ROBO2: variants seen among roughly 807,000 people sequenced by gnomAD.
ROBO2 encodes roundabout guidance receptor 2.
In ROBO2, 53 loss-of-function variants were observed where a neutral mutation model predicts 160.8. The observed-to-expected ratio is 0.33, with a 90% CI of 0.26 to 0.41. ROBO2 has a LOEUF of 0.41. Among genes scored for constraint, ROBO2 ranks in the 10% least tolerant of loss-of-function variants. The pLI, the probability that ROBO2 is intolerant of heterozygous loss-of-function variation, is 1.00. For missense variants in ROBO2, 1,577 were observed against 1,722.4 expected, an observed-to-expected ratio of 0.92 and a Z score of 1.49; for synonymous variants, 664 against 611.7, an observed-to-expected ratio of 1.09 and a Z score of -1.26.
At chr3:77,230,863 T>C (rs1245063261) in intron 2 of ROBO2, among the ~76,000 whole-genome samples, 4 of 152,236 alleles carry the variant, frequency 2.6e-5, no homozygotes, top group Non-Finnish European at 5.9e-5. Flanking sequence ...TGCGATCTTT[T>C]TATGAAAATA....
intron 2 of ROBO2, among the ~76,000 whole-genome samples, chr3:77,327,847 T>A (rs1014185913): frequency 2.0e-5 from 3 of 151,894 alleles, no homozygotes; most frequent in African/African-American, 7.3e-5. Context: ...GTCAGGAGTT[T>A]GAGACTAGCC....
intron 24 of ROBO2, among the ~76,000 whole-genome samples, chr3:77,638,285 T>C (rs1040238679): frequency 1.3e-4 from 20 of 152,248 alleles, no homozygotes; most frequent in African/African-American, 4.8e-4. Flanking sequence ...CATTTTACAA[T>C]AAACCTTTTG....
chr3:76,275,305 A>C (rs759267827), intron 2 of ROBO2, among the ~76,000 whole-genome samples: 1 of 152,110 alleles, frequency 6.6e-6, no homozygotes, highest in Non-Finnish European at 1.5e-5. Context: ...TTAATACTTT[A>C]AGTTTTAGGG....
rs375310609 is a variant in ROBO2, at chr3:76,669,182, A to G, written c.110-428832A>G. Among the ~76,000 whole-genome samples the G allele has an allele frequency of 4.6e-5, 7 of 152,034 alleles. No individual in the cohort carries two copies. In the East Asian group the frequency reaches 5.8e-4, roughly 13 times the overall value. On this transcript the variant is annotated intron_variant, in intron 2 of 26. Transcript: ENST00000487694. ...CCTTTCTGTGTCTGAAGGGAATCCC[A>G]CTCAGTCCGATCAAAACTGCTAAGA...
chr3:76,440,909 G>A (rs13064279), intron 2 of ROBO2, among the ~76,000 whole-genome samples: 52,789 of 149,582 alleles, frequency 0.35, 10,042 homozygotes, highest in Non-Finnish European at 0.42. Flanking sequence ...CATGTGGCAT[G>A]TGGCAATGTT....
chr3:76,356,887 A>G (rs1185567762), intron 2 of ROBO2, among the ~76,000 whole-genome samples: 6 of 151,932 alleles, frequency 3.9e-5, no homozygotes, highest in African/African-American at 1.4e-4. Context: ...AAATTTCAAG[A>G]AATTGAAACA....
intron 2 of ROBO2, among the ~76,000 whole-genome samples, chr3:76,479,321 G>T (rs2079093202): frequency 6.6e-6 from 1 of 152,062 alleles, no homozygotes; most frequent in Non-Finnish European, 1.5e-5. Context: ...TTTTAAAATG[G>T]CTGTGCTTTT....
At chr3:77,020,878 G>T (rs558784878) in intron 2 of ROBO2, among the ~76,000 whole-genome samples, 2 of 152,218 alleles carry the variant, frequency 1.3e-5, no homozygotes, top group Non-Finnish European at 2.9e-5. Flanking sequence ...AGTGGGAAAA[G>T]ATACTAAACA....
At chr3:77,079,078 C>G (rs1359302509) in intron 1 of ROBO2, among the ~76,000 whole-genome samples, 1 of 152,080 alleles carries the variant, frequency 6.6e-6, no homozygotes, top group Non-Finnish European at 1.5e-5. Context: ...TCCTGAGTAG[C>G]TGGGATTACA....
At chr3:77,562,874 A>G (rs2093367520) in intron 10 of ROBO2, 142 bp downstream of exon 11, 1 of 738,758 alleles carries the variant, frequency 1.4e-6, no homozygotes, top group Non-Finnish European at 2.4e-6. Context: ...TTTTTAATTC[A>G]TGCATGAATT....
At chr3:76,209,659 A>G (rs1703020951) in intron 2 of ROBO2, among the ~76,000 whole-genome samples, 1 of 152,158 alleles carries the variant, frequency 6.6e-6, no homozygotes, top group South Asian at 2.1e-4. Context: ...ACATCAAATA[A>G]TATTCTAGGC....
intron 2 of ROBO2, among the ~76,000 whole-genome samples, chr3:77,339,484 A>T (rs1388411354): frequency 2.6e-5 from 4 of 152,106 alleles, no homozygotes; most frequent in African/African-American, 4.8e-5. Context: ...TGTGCTGAAC[A>T]GGAAATTTCG....
At chr3:76,904,833 C>T (rs1379354869) in intron 2 of ROBO2, among the ~76,000 whole-genome samples, 1 of 152,098 alleles carries the variant, frequency 6.6e-6, no homozygotes. Context: ...TCTATGATAC[C>T]ACCATCTTTT....
chr3:76,141,159 C>CTCTACATATATATATA (rs1364431015), intron 2 of ROBO2, among the ~76,000 whole-genome samples: 1 of 9,178 alleles, frequency 1.1e-4, no homozygotes, highest in Non-Finnish European at 1.8e-4. Context: ...CTCTCTCTCT[C>CTCTACATATATATATA]TATATATATA....
At chr3:76,994,596 A>G (rs1337219625) in intron 2 of ROBO2, among the ~76,000 whole-genome samples, 2 of 152,142 alleles carry the variant, frequency 1.3e-5, no homozygotes, top group Non-Finnish European at 2.9e-5. Flanking sequence ...AGAAATTCTT[A>G]TTTGTTTTTT....
At chr3:77,596,819 G>C in intron 19 of ROBO2, 69 bp downstream of exon 20, 6 of 1,577,408 alleles carry the variant, frequency 3.8e-6, no homozygotes, top group Non-Finnish European at 5.2e-6. Context: ...GACCTTCCTG[G>C]ATTTTTTTAA....
rs528638690 is a variant in ROBO2 at position 76,782,810 on chromosome 3, A to G, written c.110-315204A>G. ...GTCTCTTGTAGAATCTCGTTTTTTTATCCTTTAGTCACTATATATTTTGAT... is the reference window on the plus strand; with the variant it reads ...GTCTCTTGTAGAATCTCGTTTTTTTGTCCTTTAGTCACTATATATTTTGAT... On this transcript the variant is annotated intron_variant, in intron 2 of 26. Transcript: ENST00000487694. Among the ~76,000 whole-genome samples the G allele has an allele frequency of 1.1e-4, 16 of 150,526 alleles. No homozygotes were observed. The East Asian group carries it at 3.1e-3, about 30-fold the overall frequency.
intron 2 of ROBO2, among the ~76,000 whole-genome samples, chr3:76,344,638 A>C (rs1233124158): frequency 6.6e-6 from 1 of 152,194 alleles, no homozygotes; most frequent in African/African-American, 2.4e-5. Context: ...GATAAAAAGA[A>C]GAGGAACAAA....
chr3:77,006,563 A>G (rs1466066686), intron 2 of ROBO2, among the ~76,000 whole-genome samples: 2 of 152,084 alleles, frequency 1.3e-5, no homozygotes, highest in Non-Finnish European at 2.9e-5. Context: ...TAGATTAACA[A>G]AACTACTTGA....
Sources: gnomAD v4.1 joint callset for allele counts (sites outside exome capture counted in the v4.1 genomes callset) on GRCh38, gnomAD v4.1.1 for gene constraint, MANE v1.5 for transcripts, NCBI Gene and HGNC (gene_info 2026-07-23, HGNC 2026-07-21) for gene names.